Variants in SEL1L2 observed in about 807,000 individuals in gnomAD.
The protein encoded by SEL1L2 is protein sel-1 homolog 2.
In SEL1L2, 89 loss-of-function variants were observed where a neutral mutation model predicts 98.8. The observed-to-expected ratio is 0.90, with a 90% CI of 0.76 to 1.07. The LOEUF (loss-of-function observed/expected upper bound fraction) is 1.07. Among genes scored for constraint, SEL1L2 ranks in the 50% least tolerant of loss-of-function variants. The probability of loss-of-function intolerance (pLI) is 0.00; values close to 1 mark genes in which losing one functional copy is unlikely to be tolerated. For missense variants in SEL1L2, 788 were observed against 812.0 expected (o/e 0.97, Z 0.36); for synonymous variants, 262 against 278.5 (o/e 0.94, Z 0.59).
chr20:13,876,420 T>C (rs2046433782), intron 11 of SEL1L2, among the ~76,000 whole-genome samples: 1 of 151,010 alleles, frequency 6.6e-6, no homozygotes, highest in African/African-American at 2.4e-5. Flanking sequence ...TTTTTTTTTT[T>C]TTTTTTGCAT....
At chr20:13,871,748 G>A (rs1331762608) in intron 12 of SEL1L2, among the ~76,000 whole-genome samples, 1 of 147,520 alleles carries the variant, frequency 6.8e-6, no homozygotes, top group Non-Finnish European at 1.5e-5. Context: ...CTAGCCTCAA[G>A]TGATCCACCC....
chr20:13,991,270 A>G (rs1402193608), upstream of SEL1L2, among the ~76,000 whole-genome samples: 6 of 152,320 alleles, frequency 3.9e-5, 1 homozygote, highest in South Asian at 1.2e-3. Flanking sequence ...CAACTTTTAC[A>G]GTCTGTCCAG....
At chr20:13,926,342 A>T (rs1237384224) in intron 3 of SEL1L2, among the ~76,000 whole-genome samples, 1 of 152,110 alleles carries the variant, frequency 6.6e-6, no homozygotes, top group African/African-American at 2.4e-5. Context: ...ATAAATAAAA[A>T]ATTCAAAAAA....
chr20:13,887,796 T>A lies in SEL1L2; in HGVS notation c.718A>T (p.Ser240Cys), dbSNP rs1427153467. Residue 240 changes from serine to cysteine, a missense_variant, in exon 8 of 20, where the codon AGT becomes TGT. By Grantham distance (112) the Ser-to-Cys change is moderately radical. Coordinates refer to ENST00000284951, the MANE Select transcript of SEL1L2 (RefSeq NM_025229.2). The stretch of plus-strand genomic sequence containing the variant: ...TAATCTGCCACTTTCTTGTAATAAC[T>A]TAGGGCAACTTCACAATTCTGTAGA... ...NVLQNCEVALSYYKKVADYIA... is the reference protein window; with the variant it reads ...NVLQNCEVALCYYKKVADYIA... The A allele has an allele frequency of 1.9e-5, 30 of 1,612,992 alleles. No individual in the cohort carries two copies. Among genetic ancestry groups the A allele is most frequent in the Non-Finnish European group, 2.5e-5 (30 of 1,179,168 alleles).
chr20:13,988,090 G>A (rs2052328973), intron 1 of SEL1L2, among the ~76,000 whole-genome samples: 1 of 152,074 alleles, frequency 6.6e-6, no homozygotes, highest in African/African-American at 2.4e-5. Flanking sequence ...TCTTCTAAGA[G>A]TTTTAAATCT....
intron 12 of SEL1L2, among the ~76,000 whole-genome samples, chr20:13,874,460 G>C (rs2046347919): frequency 6.6e-6 from 1 of 152,140 alleles, no homozygotes; most frequent in Non-Finnish European, 1.5e-5. Flanking sequence ...CGGAGACCCA[G>C]ATCACTGCTG....
intron 1 of SEL1L2, among the ~76,000 whole-genome samples, chr20:13,968,405 C>A (rs1181463165): frequency 6.6e-6 from 1 of 152,202 alleles, no homozygotes; most frequent in South Asian, 2.1e-4. Context: ...TAGCGCATAG[C>A]AAGTGCCTAA....
At chr20:13,947,577 G>A (rs576493361) in intron 2 of SEL1L2, among the ~76,000 whole-genome samples, 1 of 142,134 alleles carries the variant, frequency 7.0e-6, no homozygotes, top group Non-Finnish European at 1.5e-5. Context: ...CTGAATGGTG[G>A]AATTGAAAGA....
chr20:13,974,517 C>T (rs2051444083), intron 1 of SEL1L2, among the ~76,000 whole-genome samples: 1 of 113,760 alleles, frequency 8.8e-6, no homozygotes, highest in Admixed American at 1.3e-4. Flanking sequence ...CTTACTCTGT[C>T]CCCCAGGCTG....
chr20:13,915,294 A>C (rs952064314), intron 4 of SEL1L2: 4 of 1,241,362 alleles, frequency 3.2e-6, no homozygotes, highest in Non-Finnish European at 4.2e-6. Context: ...AGAGATAGAA[A>C]ACTGGAGTTC....
rs1048838776 is a variant in SEL1L2 at position 13,884,592 on chromosome 20, G to C, written c.957+755C>G. ...GCATGATCTGGGCTCACTGCAACCT[G>C]TGCCTCCCAGGTGCAAGTGATTCTC... On this transcript the variant is annotated intron_variant, in intron 10 of 19. Coordinates refer to ENST00000284951, the MANE Select transcript of SEL1L2 (RefSeq NM_025229.2). 2.6e-5 allele frequency among the ~76,000 whole-genome samples: 4 copies of C among 152,060 alleles called. No individual in the cohort carries two copies. In the East Asian group the frequency reaches 5.8e-4, roughly 22 times the overall value.
At chr20:13,889,718 G>A (rs908699479) in intron 5 of SEL1L2, among the ~76,000 whole-genome samples, 2 of 152,142 alleles carry the variant, frequency 1.3e-5, no homozygotes, top group African/African-American at 4.8e-5. Context: ...GTGAACCCGG[G>A]AGGCGGAGCT....
At chr20:13,964,453 T>TA (rs1214443639) in intron 1 of SEL1L2, among the ~76,000 whole-genome samples, 1 of 145,978 alleles carries the variant, frequency 6.9e-6, no homozygotes, top group Non-Finnish European at 1.5e-5. Context: ...CTTCATTTTT[T>TA]TTTTTTTTTT....
chr20:13,990,373 T>C, intron 1 of SEL1L2, 104 bp downstream of exon 1: 1 of 760,272 alleles, frequency 1.3e-6, no homozygotes, highest in Non-Finnish European at 2.3e-6. Flanking sequence ...TAGTTAGGGA[T>C]ATAGTAAAGT....
At chr20:13,976,464 CA>C (rs1223982604) in intron 1 of SEL1L2, among the ~76,000 whole-genome samples, 1 of 152,048 alleles carries the variant, frequency 6.6e-6, no homozygotes, top group African/African-American at 2.4e-5. Flanking sequence ...GTCTGAAGAA[CA>C]GATTGAGAAA....
intron 9 of SEL1L2, among the ~76,000 whole-genome samples, chr20:13,886,027 A>T (rs967172734): frequency 4.0e-5 from 6 of 149,858 alleles, no homozygotes; most frequent in African/African-American, 1.5e-4. Context: ...ACAGAGTGAG[A>T]CTCCAACTCA....
Position 13,869,564 on chromosome 20 carries a change from A to G in SEL1L2, c.1194T>C (p.Phe398=). Reference sequence around the variant, plus strand: ...GCCACCCTTTTTCCGCAGCTTTCTGAAAGTATTTAAGTGCTTCGGCATAAT... The same window carrying G: ...GCCACCCTTTTTCCGCAGCTTTCTGGAAGTATTTAAGTGCTTCGGCATAAT... The part of the protein sequence containing the change: ...PLNYAEALKY[F]QKAAEKGWPD... The change falls in exon 14 of 20, where the codon TTT becomes TTC. Residue 398 remains phenylalanine, a synonymous_variant. Coordinates refer to ENST00000284951, the MANE Select transcript of SEL1L2 (RefSeq NM_025229.2). 1 of 1,614,118 alleles carries G rather than the reference A, an allele frequency of 6.2e-7. No individual in the cohort carries two copies. Among genetic ancestry groups the G allele is most frequent in the Non-Finnish European group, 8.5e-7 (1 of 1,179,982 alleles).
chr20:13,961,433 T>C (rs1427165029), intron 1 of SEL1L2, among the ~76,000 whole-genome samples: 1 of 152,212 alleles, frequency 6.6e-6, no homozygotes, highest in African/African-American at 2.4e-5. Flanking sequence ...GGGAAGAAGC[T>C]AGCACTACAG....
At chr20:13,872,521 T>A (rs910429025) in intron 12 of SEL1L2, among the ~76,000 whole-genome samples, 4 of 152,202 alleles carry the variant, frequency 2.6e-5, no homozygotes, top group Non-Finnish European at 5.9e-5. Context: ...AATGCTGAAC[T>A]GTGAGCCAAT....
Sources: gnomAD v4.1 joint callset for allele counts (sites outside exome capture counted in the v4.1 genomes callset) on GRCh38, gnomAD v4.1.1 for gene constraint, MANE v1.5 for transcripts, NCBI Gene and HGNC (gene_info 2026-07-23, HGNC 2026-07-21) for gene names.